ENOX1: variants seen among roughly 807,000 people sequenced by gnomAD.
ENOX1 encodes the protein ecto-NOX disulfide-thiol exchanger 1.
A neutral mutation model predicts 82.5 loss-of-function variants in ENOX1; 42 were observed. That is an observed-to-expected ratio of 0.51 (90% CI 0.40 to 0.66). ENOX1 has a LOEUF of 0.66. ENOX1 is among the 30% of genes least tolerant of loss of function. ENOX1 has a pLI of 0.00. For synonymous variants in ENOX1, 271 were observed against 282.2 expected (o/e 0.96, Z 0.40); for missense variants, 608 against 811.6 (o/e 0.75, Z 3.05).
At chr13:43,409,387 A>G (rs1048542162) in intron 5 of ENOX1, among the ~76,000 whole-genome samples, 1 of 152,198 alleles carries the variant, frequency 6.6e-6, no homozygotes, top group Non-Finnish European at 1.5e-5. Context: ...GTCCACTGCA[A>G]TGTTTTAAAG....
At chr13:43,774,727 C>T (rs1951818746) in intron 1 of ENOX1, among the ~76,000 whole-genome samples, 1 of 152,200 alleles carries the variant, frequency 6.6e-6, no homozygotes, top group South Asian at 2.1e-4. Context: ...TCCACCTATT[C>T]ATAACTGTGT....
chr13:43,540,978 A>G (rs1279566215), intron 2 of ENOX1, among the ~76,000 whole-genome samples: 1 of 152,118 alleles, frequency 6.6e-6, no homozygotes, highest in Non-Finnish European at 1.5e-5. Context: ...ATTCTAAATC[A>G]ATCAACAGGC....
At chr13:43,342,515 C>T (rs1053647154) in intron 9 of ENOX1, among the ~76,000 whole-genome samples, 2 of 152,206 alleles carry the variant, frequency 1.3e-5, no homozygotes, top group African/African-American at 4.8e-5. Context: ...GTCTCCACTC[C>T]TGTGGTTTCC....
intron 2 of ENOX1, among the ~76,000 whole-genome samples, chr13:43,550,115 G>T (rs887037301): frequency 6.6e-6 from 1 of 152,124 alleles, no homozygotes; most frequent in African/African-American, 2.4e-5. Context: ...TAATGCCTTC[G>T]GTGATCTGAT....
At chr13:43,612,581 C>T (rs1288929946) in intron 2 of ENOX1, among the ~76,000 whole-genome samples, 1 of 152,108 alleles carries the variant, frequency 6.6e-6, no homozygotes, top group Admixed American at 6.6e-5. Flanking sequence ...AGGCAGACTT[C>T]AGGGCTCCTA....
intron 3 of ENOX1, among the ~76,000 whole-genome samples, chr13:43,452,219 C>A (rs563546835): frequency 6.6e-6 from 1 of 152,120 alleles, no homozygotes; most frequent in South Asian, 2.1e-4. Context: ...TTTGCTGCAT[C>A]CATCATCCCA....
intron 14 of ENOX1, among the ~76,000 whole-genome samples, chr13:43,237,430 G>C (rs1335369463): frequency 6.6e-6 from 1 of 152,168 alleles, no homozygotes; most frequent in Non-Finnish European, 1.5e-5. Flanking sequence ...TCAAAATGGA[G>C]AGTGATTTAA....
At chr13:43,469,322 G>T (rs1658901413) in intron 3 of ENOX1, among the ~76,000 whole-genome samples, 1 of 151,846 alleles carries the variant, frequency 6.6e-6, no homozygotes, top group African/African-American at 2.4e-5. Flanking sequence ...ATTTGGTTCT[G>T]GTGTATAGTC....
At chr13:43,651,970 CAAAAA>C (rs35793831) in intron 2 of ENOX1, among the ~76,000 whole-genome samples, 5 of 84,106 alleles carry the variant, frequency 5.9e-5, no homozygotes, top group Admixed American at 2.8e-4. Flanking sequence ...AACTTCGTCT[CAAAAA>C]AAAAAAAAAA....
chr13:43,733,172 C>A (rs1026773577), intron 1 of ENOX1, among the ~76,000 whole-genome samples: 2 of 152,094 alleles, frequency 1.3e-5, no homozygotes, highest in African/African-American at 4.8e-5. Context: ...GGCTGGAATA[C>A]AAAAATATAA....
intron 2 of ENOX1, among the ~76,000 whole-genome samples, chr13:43,548,919 G>A (rs2079077643): frequency 1.3e-5 from 2 of 151,916 alleles, no homozygotes; most frequent in South Asian, 4.2e-4. Context: ...CCATGGAATT[G>A]TTTACTTGAA....
At chr13:43,325,569 A>T (rs1382243394) in intron 10 of ENOX1, among the ~76,000 whole-genome samples, 1 of 152,236 alleles carries the variant, frequency 6.6e-6, no homozygotes, top group Non-Finnish European at 1.5e-5. Flanking sequence ...GTAAGCCAAA[A>T]TCATTAAATA....
Position 43,333,824 on chromosome 13 carries a change from C to T in ENOX1, c.1037-7299G>A, listed in dbSNP as rs565348740. On this transcript the variant is annotated intron_variant, in intron 9 of 16. Transcript: ENST00000690772. ...TTTTAGTAGAGACGGGGTTTCACCC[C>T]GTTGGCCAGGCTGGTCTCGAACTCC... Among the ~76,000 whole-genome samples, 517 of 152,274 alleles carry T rather than the reference C, an allele frequency of 3.4e-3. 2 individuals carry two copies. Among genetic ancestry groups the T allele is most frequent in the African/African-American group, 0.012 (496 of 41,554 alleles).
At chr13:43,767,606 A>G (rs1951354290) in intron 1 of ENOX1, among the ~76,000 whole-genome samples, 1 of 152,254 alleles carries the variant, frequency 6.6e-6, no homozygotes, top group Non-Finnish European at 1.5e-5. Context: ...AATAAAGGTG[A>G]CTAAGGAGAC....
chr13:43,754,017 C>A (rs1051176994), intron 1 of ENOX1, among the ~76,000 whole-genome samples: 5 of 123,166 alleles, frequency 4.1e-5, no homozygotes, highest in African/African-American at 1.7e-4. Flanking sequence ...TATGTATACA[C>A]ATATATATAC....
chr13:43,247,870 TATA>T (rs2043205760), intron 14 of ENOX1, among the ~76,000 whole-genome samples: 1 of 2,446 alleles, frequency 4.1e-4, no homozygotes, highest in African/African-American at 1.2e-3. Context: ...TATATATATA[TATA>T]TATATATATA....
At chr13:43,514,232 TGA>T (rs1046462734) in intron 2 of ENOX1, among the ~76,000 whole-genome samples, 11 of 152,188 alleles carry the variant, frequency 7.2e-5, no homozygotes, top group African/African-American at 1.7e-4. Flanking sequence ...AATGTGTAAT[TGA>T]GAGTTTTTTG....
At chr13:43,387,047 C>T (rs998915939) in intron 5 of ENOX1, among the ~76,000 whole-genome samples, 1 of 152,058 alleles carries the variant, frequency 6.6e-6, no homozygotes, top group Non-Finnish European at 1.5e-5. Flanking sequence ...AATATTTTTT[C>T]CCCCAGCAAG....
chr13:43,219,549 A>G (rs2041675239), intron 16 of ENOX1, among the ~76,000 whole-genome samples: 1 of 152,164 alleles, frequency 6.6e-6, no homozygotes, highest in Admixed American at 6.5e-5. Flanking sequence ...ACTTTCTTAA[A>G]TTTATTCTTT....
Sources: gnomAD v4.1 joint callset for allele counts (sites outside exome capture counted in the v4.1 genomes callset) on GRCh38, gnomAD v4.1.1 for gene constraint, MANE v1.5 for transcripts, NCBI Gene and HGNC (gene_info 2026-07-23, HGNC 2026-07-21) for gene names.